LRBA: variants seen among roughly 807,000 people sequenced by gnomAD.
The protein encoded by LRBA is lipopolysaccharide-responsive and beige-like anchor protein.
LRBA carries 176 observed loss-of-function variants against 330.0 expected under a neutral mutation model. The ratio of observed to expected loss-of-function variants is 0.53; its 90% CI spans 0.47 to 0.60. The LOEUF is 0.60. LRBA is among the 20% of genes least tolerant of loss of function. LRBA has a pLI of 0.00. For missense variants in LRBA, 3,259 were observed against 3,444.8 expected (o/e 0.95, Z 1.35); for synonymous variants, 1,230 against 1,193.0 (o/e 1.03, Z -0.64).
At chr4:150,566,986 A>T (rs945988506) in intron 40 of LRBA, among the ~76,000 whole-genome samples, 2 of 152,142 alleles carry the variant, frequency 1.3e-5, no homozygotes, top group African/African-American at 4.8e-5. Context: ...AGTATAAAAT[A>T]TGCAGCATTT....
rs755893017 is a variant in LRBA, at chr4:150,265,688, T to C, written c.*34A>G. ...ATGATGCTCCAGGTACTTCTGCTCA[T>C]CCTAGGGGCAGAGTTGATGTACAGC... On this transcript the variant is annotated 3_prime_UTR_variant, in exon 57 of 57. Transcript: ENST00000651943. The C allele has an allele frequency of 7.3e-7, 1 of 1,363,410 alleles. No homozygotes were observed. The highest frequency in any genetic ancestry group is 1.1e-6 in the Non-Finnish European group (1 of 951,296). The allele number at this position is 1,363,410 out of a possible 1,614,324, so 84.5% of individuals were successfully genotyped here. A position where few individuals can be genotyped will look rare whatever the true frequency, so the allele number is the denominator to read the frequency against.
At chr4:150,335,904 C>T in intron 48 of LRBA, among the ~76,000 whole-genome samples, 1 of 152,122 alleles carries the variant, frequency 6.6e-6, no homozygotes, top group South Asian at 2.1e-4. Flanking sequence ...CCATGTTGCC[C>T]AGGTTGGTCT....
chr4:150,786,152 T>C (rs1335907759), intron 34 of LRBA, among the ~76,000 whole-genome samples: 2 of 152,194 alleles, frequency 1.3e-5, no homozygotes. Flanking sequence ...GGTCACAACA[T>C]TTGCAACTTC....
chr4:150,700,504 G>A (rs1785017359), intron 36 of LRBA, among the ~76,000 whole-genome samples: 2 of 152,166 alleles, frequency 1.3e-5, no homozygotes, highest in South Asian at 4.1e-4. Context: ...CAAGTAGTGG[G>A]TGAATGTGAA....
At chr4:150,641,412 A>C (rs1451968456) in intron 37 of LRBA, among the ~76,000 whole-genome samples, 1 of 152,156 alleles carries the variant, frequency 6.6e-6, no homozygotes, top group Non-Finnish European at 1.5e-5. Flanking sequence ...TAATGGCATC[A>C]AATTCTAATT....
chr4:150,341,376 CAGGCTGGTCTTGAA>C (rs1735529320), intron 48 of LRBA, among the ~76,000 whole-genome samples: 1 of 152,052 alleles, frequency 6.6e-6, no homozygotes, highest in Non-Finnish European at 1.5e-5. Flanking sequence ...CTATGTTGCC[CAGGCTGGTCTTGAA>C]CTCCTGCCCT....
At chr4:150,982,722 T>G (rs1275720073) in intron 2 of LRBA, among the ~76,000 whole-genome samples, 1 of 151,970 alleles carries the variant, frequency 6.6e-6, no homozygotes, top group East Asian at 1.9e-4. Flanking sequence ...ATGGGTCAAG[T>G]AACAACAGAG....
chr4:150,416,146 AG>A (rs1189852923), intron 46 of LRBA, among the ~76,000 whole-genome samples: 1 of 152,258 alleles, frequency 6.6e-6, no homozygotes, highest in African/African-American at 2.4e-5. Context: ...AAATTAGTCT[AG>A]AAAATGACTT....
intron 34 of LRBA, among the ~76,000 whole-genome samples, chr4:150,779,780 A>G (rs1737915493): frequency 6.6e-6 from 1 of 152,172 alleles, no homozygotes; most frequent in Non-Finnish European, 1.5e-5. Flanking sequence ...CTGACAGCGT[A>G]ATTCCAAAAA....
chr4:150,938,996 T>A (rs945180362), intron 2 of LRBA, among the ~76,000 whole-genome samples: 4 of 152,208 alleles, frequency 2.6e-5, no homozygotes, highest in Non-Finnish European at 5.9e-5. Flanking sequence ...ATAGCAGGTG[T>A]TAGTTCACCA....
chr4:150,325,222 G>A (rs1277495477), intron 49 of LRBA, among the ~76,000 whole-genome samples: 4 of 152,124 alleles, frequency 2.6e-5, no homozygotes, highest in Admixed American at 6.6e-5. Context: ...CCCCCAAGCA[G>A]TGTGTGAGTG....
chr4:150,879,607 C>T lies in LRBA; in HGVS notation c.2166-6852G>A, dbSNP rs111998995. On this transcript the variant is annotated intron_variant, in intron 17 of 56. Transcript: ENST00000651943. ...TCTTCATGACAATATAATTCTACAA[C>T]TAGAAAACCCTAAAGACTCCTCCAA... Among the ~76,000 whole-genome samples the T allele has an allele frequency of 6.5e-3, 992 of 152,246 alleles. 11 individuals are homozygous for T. The highest frequency in any genetic ancestry group is 0.021 in the African/African-American group (862 of 41,544).
intron 47 of LRBA, among the ~76,000 whole-genome samples, chr4:150,396,338 CA>C (rs777029616): frequency 5.3e-5 from 8 of 152,078 alleles, no homozygotes; most frequent in Non-Finnish European, 8.8e-5. Context: ...GGAGTTACAC[CA>C]TTGGTTCCCC....
intron 33 of LRBA, among the ~76,000 whole-genome samples, chr4:150,803,407 T>C (rs1578831622): frequency 6.6e-6 from 1 of 152,036 alleles, no homozygotes; most frequent in African/African-American, 2.4e-5. Context: ...GGATAGCTGG[T>C]AATAAGTTCA....
At chr4:150,941,297 C>A (rs749290097) in intron 2 of LRBA, among the ~76,000 whole-genome samples, 3 of 152,098 alleles carry the variant, frequency 2.0e-5, no homozygotes, top group Non-Finnish European at 4.4e-5. Flanking sequence ...GGATTACAGG[C>A]GCCCACCAAC....
At position 150,648,158 on chromosome 4, in the gene LRBA, C is replaced by CAAAAAAAAAAAAAAAAAAA; in HGVS notation, c.5921+35374_5921+35392dup. Among the ~76,000 whole-genome samples the CAAAAAAAAAAAAAAAAAAA allele has an allele frequency of 1.8e-3, 33 of 18,078 alleles. 4 individuals carry two copies. Among genetic ancestry groups the CAAAAAAAAAAAAAAAAAAA allele is most frequent in the East Asian group, 5.1e-3 (2 of 392 alleles). The allele number at this position is 18,078 out of a possible 152,430, so 11.9% of individuals were successfully genotyped here. A position where few individuals can be genotyped will look rare whatever the true frequency, so the allele number is the denominator to read the frequency against. Reference sequence around the variant, plus strand: ...TCAGAAGAGAAAGGAACACAAGTAGCAAAAAAAAAAAAAAAAAAACTAGAA... The same window carrying CAAAAAAAAAAAAAAAAAAA: ...TCAGAAGAGAAAGGAACACAAGTAGCAAAAAAAAAAAAAAAAAAAAAAAAAAAAAAAAAAAAAACTAGAA... On this transcript the variant is annotated intron_variant, in intron 37 of 56. Coordinates refer to ENST00000651943, the MANE Select transcript of LRBA (RefSeq NM_001364905.1).
chr4:150,809,502 T>C (rs1170179077), intron 31 of LRBA, among the ~76,000 whole-genome samples: 1 of 152,136 alleles, frequency 6.6e-6, no homozygotes, highest in East Asian at 1.9e-4. Context: ...CTCCCACTGA[T>C]CAAATACCAT....
At chr4:150,632,876 T>C (rs1016328826) in intron 37 of LRBA, among the ~76,000 whole-genome samples, 10 of 152,216 alleles carry the variant, frequency 6.6e-5, no homozygotes, top group African/African-American at 2.4e-4. Context: ...TCCAAGTCTA[T>C]AAGCTCTGTA....
At chr4:150,983,691 G>C (rs1292297157) in intron 2 of LRBA, among the ~76,000 whole-genome samples, 4 of 151,632 alleles carry the variant, frequency 2.6e-5, no homozygotes, top group Admixed American at 2.6e-4. Flanking sequence ...CTGTCCTCAG[G>C]TGATCCGCCT....
Sources: gnomAD v4.1 joint callset for allele counts (sites outside exome capture counted in the v4.1 genomes callset) on GRCh38, gnomAD v4.1.1 for gene constraint, MANE v1.5 for transcripts, NCBI Gene and HGNC (gene_info 2026-07-23, HGNC 2026-07-21) for gene names.